Variants in CARD14 observed in about 807,000 individuals in gnomAD.
The protein encoded by CARD14 is caspase recruitment domain family member 14, also known as caspase recruitment domain-containing protein 14.
CARD14 carries 107 observed loss-of-function variants against 111.5 expected under a neutral mutation model. That is an observed-to-expected ratio of 0.96 (90% CI 0.82 to 1.13). The LOEUF (loss-of-function observed/expected upper bound fraction) is 1.13, where lower values mean the gene tolerates loss of function less well. Among genes scored for constraint, CARD14 ranks in the 50% most tolerant of loss-of-function variants. CARD14 has a pLI of 0.00. For synonymous variants in CARD14, 617 were observed against 579.6 expected (o/e 1.06, Z -0.93); for missense variants, 1,322 against 1,362.3 (o/e 0.97, Z 0.47).
rs2040951973 is a variant in CARD14, at chr17:80,201,139, T to G, written c.1852-605T>G. ...GTTCAGGGAGATAGTCCCGATATCC[T>G]AAGGGGGCCAATTAGATTCTAATGG... On this transcript the variant is annotated intron_variant, in intron 16 of 23. Coordinates refer to ENST00000648509, the MANE Select transcript of CARD14 (RefSeq NM_001366385.1). This position sits in a 1 kb window ranked among gnomAD's most constrained non-coding sequence, Gnocchi z 5.0. 6.5e-6 allele frequency: 1 copy of G among 153,742 alleles called. No individual in the cohort carries two copies. Among genetic ancestry groups the G allele is most frequent in the African/African-American group, 2.4e-5 (1 of 41,446 alleles). The allele number at this position is 153,742 out of a possible 1,614,324, so 9.5% of individuals were successfully genotyped here.
chr17:80,173,320 ACACACGCG>A (rs59362493), intron 2 of CARD14, 92 bp downstream of exon 2: 30,695 of 133,402 alleles, frequency 0.23, 3,444 homozygotes, highest in Middle Eastern at 0.31. Context: ...ACACACACAC[ACACACGCG>A]CGCGCGCGCG....
chr17:80,190,803 G>A lies in CARD14; in HGVS notation c.993G>A (p.Leu331=), dbSNP rs890793477. Residue 331 remains leucine (L), a synonymous_variant, in exon 10 of 24, where the codon CTG becomes CTA. Coordinates refer to ENST00000648509, the MANE Select transcript of CARD14 (RefSeq NM_001366385.1). ...GGGAAGAGAAGGAACAGACCCTGCTGCAGTTCCAGAAGAGTAAGATGGCCT... is the reference window on the plus strand; with the variant it reads ...GGGAAGAGAAGGAACAGACCCTGCTACAGTTCCAGAAGAGTAAGATGGCCT... ...QYWEEKEQTL[L]QFQKSKMACQ... 3 of 1,614,034 alleles carry A rather than the reference G, an allele frequency of 1.9e-6. No individual in the cohort carries two copies. The highest frequency in any genetic ancestry group is 2.7e-5 in the African/African-American group (2 of 74,916).
chr17:80,204,709 G>A (rs2041184678), intron 20 of CARD14: 2 of 398,570 alleles, frequency 5.0e-6, no homozygotes, highest in South Asian at 6.2e-5. Flanking sequence ...TGAGGAGAAG[G>A]GTGCCACTCT....
At chr17:80,185,402 C>T (rs1346183975) in intron 7 of CARD14, among the ~76,000 whole-genome samples, 1 of 152,086 alleles carries the variant, frequency 6.6e-6, no homozygotes, top group Non-Finnish European at 1.5e-5. Flanking sequence ...TTTTTTACTT[C>T]TTATTTAGAA....
At position 80,206,349 on chromosome 17, in the gene CARD14, C is replaced by T. The variant is rs1013772879; in HGVS notation, c.2692-621C>T. Among the ~76,000 whole-genome samples, 8 of 152,124 alleles carry T rather than the reference C, an allele frequency of 5.3e-5. 1 individual carries two copies. The highest frequency in any genetic ancestry group is 4.1e-4 in the South Asian group (2 of 4,828). On this transcript the variant is annotated intron_variant, in intron 22 of 23. Coordinates refer to ENST00000648509, the MANE Select transcript of CARD14 (RefSeq NM_001366385.1). Reference sequence around the variant, plus strand: ...AAGAAAGTAGCCGGGCACAGTGGCTCGCGCCTGTAATCCCCACACTTTGGG... The same window carrying T: ...AAGAAAGTAGCCGGGCACAGTGGCTTGCGCCTGTAATCCCCACACTTTGGG...
intron 7 of CARD14, among the ~76,000 whole-genome samples, chr17:80,186,958 A>G (rs886660975): frequency 6.6e-6 from 1 of 152,230 alleles, no homozygotes; most frequent in African/African-American, 2.4e-5. Flanking sequence ...ACACACACAC[A>G]TGTATGGACA....
At position 80,183,951 on chromosome 17, in the gene CARD14, G is replaced by T; in HGVS notation, c.388G>T (p.Gly130Trp). The change falls in exon 7 of 24, where the codon GGG becomes TGG. Residue 130 changes from glycine to tryptophan, a missense_variant. By Grantham distance (184) the Gly-to-Trp change is radical. Coordinates refer to ENST00000648509, the MANE Select transcript of CARD14 (RefSeq NM_001366385.1). ...ATCCAAGCTGACCGAGTGCCTGGCT[G>T]GGGCCATCGGCAGCCTGCAGGAGGA... ...ETSKLTECLAGAIGSLQEELN... is the reference protein window; with the variant it reads ...ETSKLTECLAWAIGSLQEELN... 5.8e-6 allele frequency: 9 copies of T among 1,542,348 alleles called. No individual in the cohort carries two copies. The highest frequency in any genetic ancestry group is 7.9e-6 in the Non-Finnish European group (9 of 1,142,892).
chr17:80,181,762 CT>C, intron 5 of CARD14, 113 bp downstream of exon 5: 1 of 976,882 alleles, frequency 1.0e-6, no homozygotes, highest in Non-Finnish European at 1.5e-6. Context: ...TATAAAAACA[CT>C]TGCTGTTGCC....
chr17:80,179,455 A>G (rs1188981533), intron 4 of CARD14, among the ~76,000 whole-genome samples, 154 bp downstream of exon 4: 2 of 152,222 alleles, frequency 1.3e-5, no homozygotes, highest in African/African-American at 4.8e-5. Flanking sequence ...CTAACACTGA[A>G]GGCACTGTTG....
In CARD14 at chr17:80,203,185, A is replaced by C. The variant is rs1598701281; in HGVS notation, c.2220-637A>C. The C allele has an allele frequency of 6.6e-6, 1 of 151,424 alleles. No homozygotes were observed. The highest frequency in any genetic ancestry group is 2.4e-5 in the African/African-American group (1 of 41,108). The allele number at this position is 151,424 out of a possible 1,614,324, so 9.4% of individuals were successfully genotyped here. A position where few individuals can be genotyped will look rare whatever the true frequency, so the allele number is the denominator to read the frequency against. ...CTCAGGAGGCTGAGGCAGGAGAATC[A>C]CTTGAACCCCGGAGGCAGAGGTTGC... On this transcript the variant is annotated intron_variant, in intron 18 of 23. Transcript: ENST00000648509. This position sits in a 1 kb window ranked among gnomAD's most constrained non-coding sequence, Gnocchi z 4.6.
Position 80,195,199 on chromosome 17 carries a change from CTT to C in CARD14, c.1366_1367del (p.Leu456ValfsTer61), listed in dbSNP as rs758784694. 7 of 1,606,048 alleles carry C rather than the reference CTT, an allele frequency of 4.4e-6. No individual in the cohort carries two copies. Among genetic ancestry groups the C allele is most frequent in the South Asian group, 2.2e-5 (2 of 90,796 alleles). On this transcript the variant is annotated frameshift_variant, in exon 13 of 24. Transcript: ENST00000648509. LOFTEE classifies it high-confidence loss of function. The surrounding 1 kb of genome is among the most constrained non-coding windows in gnomAD (Gnocchi z 4.7). ...SLVSSTESQL[L>X]SDLSATSSRE... ...TGCCCTCCCTCCTCCAGTCTCAGCTCTTGTCGGACCTGAGTGCCACGTCCAGC... is the reference window on the plus strand; with the variant it reads ...TGCCCTCCCTCCTCCAGTCTCAGCTCGTCGGACCTGAGTGCCACGTCCAGC...
In CARD14 at chr17:80,182,150, C is replaced by A. The variant is rs901525491; in HGVS notation, c.211+501C>A. On this transcript the variant is annotated intron_variant, in intron 5 of 23. Transcript: ENST00000648509. This position sits in a 1 kb window ranked among gnomAD's most constrained non-coding sequence, Gnocchi z 4.7. ...CCCAAACACAGGAGAGATTGATGCA[C>A]GCTGGTCATTCTGGCTGAGAGAGAT... is the stretch of plus-strand genomic sequence containing the variant. 6.6e-6 allele frequency among the ~76,000 whole-genome samples: 1 copy of A among 152,162 alleles called. No homozygotes were observed.
chr17:80,190,795 A>C lies in CARD14; in HGVS notation c.985A>C (p.Thr329Pro). The change falls in exon 10 of 24, where the codon ACC (threonine) becomes CCC (proline). Residue 329 changes from threonine to proline, a missense_variant. Transcript: ENST00000648509. ...CCAGTACTGGGAAGAGAAGGAACAG[A>C]CCCTGCTGCAGTTCCAGAAGAGTAA... ...REQYWEEKEQ[T>P]LLQFQKSKMA... 1 of 1,614,148 alleles carries C rather than the reference A, an allele frequency of 6.2e-7. No individual in the cohort carries two copies.
intron 4 of CARD14, among the ~76,000 whole-genome samples, chr17:80,181,151 A>G (rs762375756): frequency 2.2e-4 from 34 of 152,258 alleles, no homozygotes; most frequent in South Asian, 6.2e-4. Flanking sequence ...CTGACACAAC[A>G]AAGTGTGATT....
intron 7 of CARD14, among the ~76,000 whole-genome samples, chr17:80,185,382 T>C (rs547543520): frequency 4.1e-4 from 63 of 152,318 alleles, no homozygotes; most frequent in African/African-American, 1.5e-3. Flanking sequence ...CATTTGTTGT[T>C]TGTTTTTAAT....
chr17:80,196,514 A>C (rs1250533500), intron 14 of CARD14: 1 of 152,208 alleles, frequency 6.6e-6, no homozygotes, highest in Non-Finnish European at 1.5e-5. Flanking sequence ...CCTCAAATAC[A>C]TCCAGAGTAC....
Position 80,203,617 on chromosome 17 carries a change from C to A in CARD14, c.2220-205C>A. On this transcript the variant is annotated intron_variant, in intron 18 of 23. Coordinates refer to ENST00000648509, the MANE Select transcript of CARD14 (RefSeq NM_001366385.1). The surrounding 1 kb of genome is among the most constrained non-coding windows in gnomAD (Gnocchi z 4.6). Reference sequence around the variant, plus strand: ...CAGCATCTCCAGGGGTGGGCCGAGGCCCTGGAGTCTTTTGAAAGCTCTGGA... The same window carrying A: ...CAGCATCTCCAGGGGTGGGCCGAGGACCTGGAGTCTTTTGAAAGCTCTGGA... 1.9e-6 allele frequency: 1 copy of A among 519,172 alleles called. No homozygotes were observed. The highest frequency in any genetic ancestry group is 3.4e-6 in the Non-Finnish European group (1 of 293,186). 32.2% of individuals were successfully genotyped at this position (519,172 alleles called of 1,614,324 possible). A position where few individuals can be genotyped will look rare whatever the true frequency, so the allele number is the denominator to read the frequency against.
intron 12 of CARD14, among the ~76,000 whole-genome samples, chr17:80,193,523 A>C (rs2144294466): frequency 6.6e-6 from 1 of 152,280 alleles, no homozygotes; most frequent in South Asian, 2.1e-4. Flanking sequence ...CATAGTGGGC[A>C]TGTGGCATGA....
chr17:80,204,413 T>G, intron 20 of CARD14, 72 bp downstream of exon 20: 1 of 1,425,496 alleles, frequency 7.0e-7, no homozygotes, highest in South Asian at 1.4e-5. Flanking sequence ...CTGCTGCTAG[T>G]TGGTCAGCTG....
Sources: gnomAD v4.1 joint callset for allele counts (sites outside exome capture counted in the v4.1 genomes callset) on GRCh38, gnomAD v4.1.1 for gene constraint, Gnocchi (gnomAD v3.1) non-coding constraint, MANE v1.5 for transcripts, NCBI Gene and HGNC (gene_info 2026-07-23, HGNC 2026-07-21) for gene names.